SPAG17: variants seen among roughly 807,000 people sequenced by gnomAD.
The protein encoded by SPAG17 is sperm-associated antigen 17.
A neutral mutation model predicts 273.6 loss-of-function variants in SPAG17; 169 were observed. The observed-to-expected ratio is 0.62, with a 90% confidence interval of 0.55 to 0.70. The LOEUF (loss-of-function observed/expected upper bound fraction) is 0.70, where lower values mean the gene tolerates loss of function less well. Among genes scored for constraint, SPAG17 ranks in the 30% least tolerant of loss-of-function variants. The pLI is 0.00. For missense variants in SPAG17, 2,557 were observed against 2,627.8 expected, an observed-to-expected ratio of 0.97 and a Z score of 0.59; for synonymous variants, 825 against 873.2, an observed-to-expected ratio of 0.94 and a Z score of 0.97.
chr1:118,051,863 G>A (rs1651069012), intron 20 of SPAG17, among the ~76,000 whole-genome samples: 1 of 131,258 alleles, frequency 7.6e-6, no homozygotes, highest in African/African-American at 2.8e-5. Context: ...TATATAATAT[G>A]TACTATTATA....
At chr1:118,075,263 T>G (rs948576903) in intron 15 of SPAG17, among the ~76,000 whole-genome samples, 1 of 152,236 alleles carries the variant, frequency 6.6e-6, no homozygotes, top group Admixed American at 6.5e-5. Context: ...ATGCACACTA[T>G]GGACCAATAT....
intron 20 of SPAG17, among the ~76,000 whole-genome samples, chr1:118,043,264 G>A (rs1649981264): frequency 4.6e-5 from 7 of 152,124 alleles, no homozygotes; most frequent in Admixed American, 4.6e-4. Context: ...TTCGAGAGTT[G>A]AAGAAAGACG....
intron 30 of SPAG17, 23 bp downstream of exon 30, chr1:118,012,205 T>G (rs139243785): frequency 6.2e-7 from 1 of 1,603,164 alleles, no homozygotes; most frequent in African/African-American, 1.3e-5. Context: ...AATATTGTCA[T>G]GTACTCAGAA....
At chr1:118,086,533 T>A (rs959173609) in intron 12 of SPAG17, 138 bp downstream of exon 12, 4 of 780,422 alleles carry the variant, frequency 5.1e-6, no homozygotes, top group Non-Finnish European at 8.2e-6. Flanking sequence ...CAGGTCCTAC[T>A]TTGTATGCAA....
At chr1:118,163,363 T>C (rs1356508160) in intron 1 of SPAG17, among the ~76,000 whole-genome samples, 2 of 152,104 alleles carry the variant, frequency 1.3e-5, no homozygotes, top group Admixed American at 6.5e-5. Context: ...TTTGTCCATG[T>C]CCTGCTTGTC....
At chr1:118,161,077 T>G (rs1659886239) in intron 1 of SPAG17, among the ~76,000 whole-genome samples, 2 of 152,242 alleles carry the variant, frequency 1.3e-5, no homozygotes, top group African/African-American at 4.8e-5. Context: ...TATGACTAAA[T>G]GTATATGATG....
intron 15 of SPAG17, among the ~76,000 whole-genome samples, chr1:118,078,987 T>C (rs1304735576): frequency 6.6e-6 from 1 of 152,072 alleles, no homozygotes; most frequent in African/African-American, 2.4e-5. Context: ...AATTTTTGCA[T>C]CTATGTTCGT....
chr1:118,016,756 C>T (rs1372377110), intron 28 of SPAG17, among the ~76,000 whole-genome samples: 1 of 152,180 alleles, frequency 6.6e-6, no homozygotes, highest in African/African-American at 2.4e-5. Flanking sequence ...AGTACATCAA[C>T]AATTGTCTGA....
At chr1:118,063,429 C>A (rs1022560657) in intron 18 of SPAG17, among the ~76,000 whole-genome samples, 1 of 152,036 alleles carries the variant, frequency 6.6e-6, no homozygotes, top group Non-Finnish European at 1.5e-5. Context: ...GAAATAATGC[C>A]GCCTATCTAC....
At chr1:118,076,236 CAA>C in intron 15 of SPAG17, 1 of 152,138 alleles carries the variant, frequency 6.6e-6, no homozygotes, top group East Asian at 1.9e-4. Context: ...TATTCTGTGG[CAA>C]AGAGTACCAT....
At chr1:118,124,388 T>C (rs1657588297) in intron 3 of SPAG17, among the ~76,000 whole-genome samples, 1 of 152,194 alleles carries the variant, frequency 6.6e-6, no homozygotes, top group Non-Finnish European at 1.5e-5. Context: ...AGGGTTTGTC[T>C]CCTCTACTAG....
At chr1:118,112,268 T>C (rs898386221) in intron 4 of SPAG17, among the ~76,000 whole-genome samples, 7 of 152,054 alleles carry the variant, frequency 4.6e-5, no homozygotes, top group Non-Finnish European at 1.0e-4. Context: ...TGAGTAGATA[T>C]ATAATATTCA....
chr1:118,041,567 C>T (rs1287464076), intron 21 of SPAG17, among the ~76,000 whole-genome samples: 1 of 151,982 alleles, frequency 6.6e-6, no homozygotes, highest in African/African-American at 2.4e-5. Context: ...TTGACCTTAG[C>T]TAGGTTCGTG....
At position 118,055,711 on chromosome 1, in the gene SPAG17, A is replaced by G. The variant is rs570155533; in HGVS notation, c.2722+22T>C. On this transcript the variant is annotated intron_variant, in intron 19 of 48. Coordinates refer to ENST00000336338, the MANE Select transcript of SPAG17 (RefSeq NM_206996.4). The stretch of plus-strand genomic sequence containing the variant: ...AACGTTCTTGAATTTTATTCTACGT[A>G]TAAGTTGAACTGGTTACTTACTTTT... The G allele has an allele frequency of 5.2e-6, 8 of 1,547,668 alleles. No individual in the cohort carries two copies. In the African/African-American group the frequency reaches 8.2e-5, roughly 16 times the overall value.
chr1:118,047,483 G>A (rs972666724), intron 20 of SPAG17, among the ~76,000 whole-genome samples: 8 of 151,912 alleles, frequency 5.3e-5, no homozygotes, highest in East Asian at 3.9e-4. Flanking sequence ...CTCAGTGGTC[G>A]CGTACTCCAG....
At chr1:118,114,175 C>T (rs975603651) in intron 4 of SPAG17, among the ~76,000 whole-genome samples, 12 of 151,956 alleles carry the variant, frequency 7.9e-5, no homozygotes, top group Admixed American at 2.0e-4. Flanking sequence ...TCTTAATTAC[C>T]CTGAGTATTT....
chr1:118,054,850 T>A (rs532688769), intron 19 of SPAG17, among the ~76,000 whole-genome samples: 3 of 152,232 alleles, frequency 2.0e-5, no homozygotes, highest in Middle Eastern at 3.4e-3. Flanking sequence ...CTTGCTTTTA[T>A]ATGGTTTACT....
In SPAG17 at chr1:118,025,454, T is replaced by G. The variant is rs369049269; in HGVS notation, c.3731-38A>C. 4 of 1,370,606 alleles carry G rather than the reference T, an allele frequency of 2.9e-6. No individual in the cohort carries two copies. The African/African-American group carries it at 5.9e-5, about 20-fold the overall frequency. The allele number at this position is 1,370,606 out of a possible 1,614,324, so 84.9% of individuals were successfully genotyped here. On this transcript the variant is annotated intron_variant, in intron 26 of 48. Transcript: ENST00000336338. ...TAAAGCCTTCTTGTGAACTGGACAA[T>G]GCTGCAGGGCTGGATTTTATCATCT...
intron 29 of SPAG17, among the ~76,000 whole-genome samples, chr1:118,013,392 T>C (rs1659663204): frequency 6.6e-6 from 1 of 152,160 alleles, no homozygotes; most frequent in African/African-American, 2.4e-5. Flanking sequence ...GATCATTATT[T>C]TAGGTTCTTA....
Sources: gnomAD v4.1 joint callset for allele counts (sites outside exome capture counted in the v4.1 genomes callset) on GRCh38, gnomAD v4.1.1 for gene constraint, MANE v1.5 for transcripts, NCBI Gene and HGNC (gene_info 2026-07-23, HGNC 2026-07-21) for gene names.